Variants in NEBL observed in about 807,000 individuals in gnomAD.
NEBL encodes the protein LIM and SH3 protein 2.
A neutral mutation model predicts 140.2 loss-of-function variants in NEBL; 122 were observed. That is an observed-to-expected ratio of 0.87 (90% CI 0.75 to 1.01). The LOEUF is 1.01. Among genes scored for constraint, NEBL ranks in the 50% least tolerant of loss-of-function variants. The probability of loss-of-function intolerance (pLI) is 0.00; values close to 1 mark genes in which losing one functional copy is unlikely to be tolerated. For missense variants in NEBL, 1,365 were observed against 1,231.3 expected (o/e 1.11, Z -1.62); for synonymous variants, 436 against 398.9 (o/e 1.09, Z -1.11).
intron 26 of NEBL, among the ~76,000 whole-genome samples, chr10:20,805,902 T>C (rs79906846): frequency 0.02 from 3,006 of 152,084 alleles, 98 homozygotes; most frequent in African/African-American, 0.066. Flanking sequence ...TTTGAGTCAC[T>C]GAGTCATCGC....
chr10:21,179,765 T>C (rs1841358731), upstream of NEBL, among the ~76,000 whole-genome samples: 2 of 148,942 alleles, frequency 1.3e-5, no homozygotes, highest in African/African-American at 4.9e-5. Flanking sequence ...GATTTGAAGA[T>C]GCTACACTGC....
intron 13 of NEBL, among the ~76,000 whole-genome samples, chr10:20,836,948 C>T (rs1840957377): frequency 6.6e-6 from 1 of 152,206 alleles, no homozygotes; most frequent in Admixed American, 6.5e-5. Flanking sequence ...TGAACTTAAT[C>T]GAGAAATGTT....
At chr10:20,858,059 G>A (rs1336178309) in intron 9 of NEBL, among the ~76,000 whole-genome samples, 181 bp downstream of exon 9, 1 of 152,062 alleles carries the variant, frequency 6.6e-6, no homozygotes, top group Non-Finnish European at 1.5e-5. Context: ...AACCTCCTTT[G>A]CAAAGTGACA....
chr10:20,973,613 C>T (rs1290807820), intron 3 of NEBL, among the ~76,000 whole-genome samples: 1 of 152,192 alleles, frequency 6.6e-6, no homozygotes, highest in East Asian at 1.9e-4. Context: ...CAAATCCTCC[C>T]TCCTTCTAGT....
chr10:21,042,160 G>A (rs959007945), intron 2 of NEBL, among the ~76,000 whole-genome samples: 5 of 152,132 alleles, frequency 3.3e-5, no homozygotes, highest in East Asian at 1.9e-4. Context: ...CACTTAGTAC[G>A]GTGCTAGGTA....
At chr10:21,040,030 G>A (rs182715390) in intron 2 of NEBL, among the ~76,000 whole-genome samples, 1 of 152,328 alleles carries the variant, frequency 6.6e-6, no homozygotes, top group African/African-American at 2.4e-5. Flanking sequence ...CTGTTAGTCT[G>A]TTTGTGTTGA....
At chr10:21,142,995 T>G (rs980487111) in intron 2 of NEBL, among the ~76,000 whole-genome samples, 1 of 152,100 alleles carries the variant, frequency 6.6e-6, no homozygotes, top group Non-Finnish European at 1.5e-5. Context: ...TAAGTGTGTG[T>G]GGGGTGTGTG....
At chr10:20,819,308 T>C in intron 20 of NEBL, 116 bp downstream of exon 20, 5 of 1,498,478 alleles carry the variant, frequency 3.3e-6, no homozygotes, top group Non-Finnish European at 4.6e-6. Flanking sequence ...TTATGCAGTA[T>C]TTGGTTTTAC....
chr10:20,838,006 G>C (rs1841053668), intron 13 of NEBL, among the ~76,000 whole-genome samples: 1 of 152,150 alleles, frequency 6.6e-6, no homozygotes, highest in Non-Finnish European at 1.5e-5. Flanking sequence ...AAACAGTTCT[G>C]ATAGAAATGT....
chr10:21,094,145 TCAGGAGTTCAAGAC>T (rs978644181), intron 2 of NEBL, among the ~76,000 whole-genome samples: 1 of 151,962 alleles, frequency 6.6e-6, no homozygotes, highest in Non-Finnish European at 1.5e-5. Flanking sequence ...TCACTTGAGG[TCAGGAGTTCAAGAC>T]CAGCCTGGCC....
chr10:20,816,576 CAATCACCTGCCTTTGCATTATA>C (rs1838741696), intron 21 of NEBL, among the ~76,000 whole-genome samples: 1 of 152,190 alleles, frequency 6.6e-6, no homozygotes, highest in African/African-American at 2.4e-5. Flanking sequence ...GGAAAAGTAT[CAATCACCTGCCTTTGCATTATA>C]AACTGGTAAA....
At chr10:20,935,725 T>G (rs1301124614) in intron 4 of NEBL, among the ~76,000 whole-genome samples, 1 of 152,200 alleles carries the variant, frequency 6.6e-6, no homozygotes, top group African/African-American at 2.4e-5. Context: ...CTTGTAAGGA[T>G]GCAAAGAATC....
At chr10:21,106,326 C>T (rs561070547) in intron 2 of NEBL, among the ~76,000 whole-genome samples, 43 of 152,096 alleles carry the variant, frequency 2.8e-4, no homozygotes, top group Admixed American at 8.5e-4. Flanking sequence ...TCAGGTCTAA[C>T]ATTAAGTCTT....
At chr10:21,239,449 C>T (rs558662711) in intron 3 of NEBL, among the ~76,000 whole-genome samples, 1 of 152,110 alleles carries the variant, frequency 6.6e-6, no homozygotes, top group Non-Finnish European at 1.5e-5. Flanking sequence ...CTCTGCACCC[C>T]CACATCCCAT....
intron 3 of NEBL, among the ~76,000 whole-genome samples, chr10:21,245,991 A>G (rs2132268657): frequency 6.6e-6 from 1 of 152,318 alleles, no homozygotes; most frequent in Non-Finnish European, 1.5e-5. Flanking sequence ...CACCGCACCC[A>G]GCCATATATT....
intron 2 of NEBL, among the ~76,000 whole-genome samples, chr10:21,127,062 C>G (rs1222732622): frequency 6.6e-6 from 1 of 150,572 alleles, no homozygotes; most frequent in African/African-American, 2.4e-5. Flanking sequence ...ATTCAATACA[C>G]TCAAACGCAT....
intron 3 of NEBL, among the ~76,000 whole-genome samples, chr10:21,226,597 C>G (rs1161439991): frequency 6.6e-6 from 1 of 152,140 alleles, no homozygotes; most frequent in Admixed American, 6.5e-5. Flanking sequence ...GCTCAATGCT[C>G]CCTCCGTGGT....
chr10:20,856,476 G>A (rs1213848615), intron 9 of NEBL, among the ~76,000 whole-genome samples: 2 of 152,172 alleles, frequency 1.3e-5, no homozygotes, highest in Admixed American at 6.5e-5. Flanking sequence ...GAAAGGTCAA[G>A]GGCAAATGCC....
chr10:21,289,399 CA>C (rs1843111975), intron 1 of NEBL, among the ~76,000 whole-genome samples: 1 of 152,170 alleles, frequency 6.6e-6, no homozygotes, highest in African/African-American at 2.4e-5. Flanking sequence ...CAACCCAAAC[CA>C]GCAGCAATAG....
Sources: allele counts gnomAD v4.1 joint callset (sites outside exome capture counted in the v4.1 genomes callset), GRCh38; gene constraint gnomAD v4.1.1; transcripts MANE v1.5; gene names NCBI Gene and HGNC (gene_info 2026-07-23, HGNC 2026-07-21).